Variants in APBB2 observed in about 807,000 individuals in gnomAD.
The protein encoded by APBB2 is amyloid beta precursor protein binding family B member 2, also known as Fe65-like 1.
In APBB2, 38 loss-of-function variants were observed where a neutral mutation model predicts 82.5. The observed-to-expected ratio is 0.46, with a 90% CI of 0.36 to 0.60. APBB2 has a LOEUF of 0.60. Among genes scored for constraint, APBB2 ranks in the 20% least tolerant of loss-of-function variants. The pLI, the probability that APBB2 is intolerant of heterozygous loss-of-function variation, is 0.00. For synonymous variants in APBB2, 341 were observed against 368.2 expected (o/e 0.93, Z 0.85); for missense variants, 772 against 972.3 (o/e 0.79, Z 2.74).
At chr4:41,066,922 A>G (rs1188436394) in intron 3 of APBB2, among the ~76,000 whole-genome samples, 2 of 152,186 alleles carry the variant, frequency 1.3e-5, no homozygotes, top group Non-Finnish European at 2.9e-5. Flanking sequence ...GGTTGTTACA[A>G]TCATTCAGGG....
At chr4:41,118,667 C>T (rs750213269) in intron 2 of APBB2, among the ~76,000 whole-genome samples, 1 of 152,016 alleles carries the variant, frequency 6.6e-6, no homozygotes, top group Non-Finnish European at 1.5e-5. Flanking sequence ...ATATGTGGTA[C>T]TTTTTATATG....
chr4:41,071,289 C>T (rs1289850360), intron 3 of APBB2, among the ~76,000 whole-genome samples: 1 of 152,168 alleles, frequency 6.6e-6, no homozygotes, highest in Non-Finnish European at 1.5e-5. Flanking sequence ...TAAAAGGTTG[C>T]TTATGCTCTT....
intron 1 of APBB2, among the ~76,000 whole-genome samples, chr4:41,188,415 G>T (rs947207697): frequency 5.3e-5 from 8 of 152,142 alleles, no homozygotes; most frequent in African/African-American, 1.9e-4. Flanking sequence ...GATGGTACTG[G>T]GAGGTGGGGT....
At chr4:41,059,267 C>A (rs1195777969) in intron 4 of APBB2, among the ~76,000 whole-genome samples, 1 of 152,216 alleles carries the variant, frequency 6.6e-6, no homozygotes, top group Non-Finnish European at 1.5e-5. Context: ...TTGAGACCAG[C>A]CTGGCCAACA....
intron 7 of APBB2, among the ~76,000 whole-genome samples, chr4:40,936,458 T>C (rs949059529): frequency 1.3e-5 from 2 of 152,182 alleles, no homozygotes; most frequent in Non-Finnish European, 1.5e-5. Context: ...GGTTCCATTA[T>C]GCTACCCAGG....
At chr4:40,833,489 C>T (rs758501206) in intron 12 of APBB2, among the ~76,000 whole-genome samples, 2 of 152,184 alleles carry the variant, frequency 1.3e-5, no homozygotes, top group Admixed American at 6.5e-5. Flanking sequence ...GGTCCTCTGG[C>T]CCCAGGACCC....
intron 12 of APBB2, among the ~76,000 whole-genome samples, chr4:40,878,358 C>A (rs1043800413): frequency 2.0e-5 from 3 of 151,886 alleles, no homozygotes; most frequent in African/African-American, 7.3e-5. Context: ...CCAAACCAAA[C>A]CAAAACAAAA....
intron 10 of APBB2, among the ~76,000 whole-genome samples, chr4:40,916,845 T>C (rs1453098923): frequency 6.6e-6 from 1 of 152,098 alleles, no homozygotes; most frequent in Non-Finnish European, 1.5e-5. Context: ...AGCCTTGAGA[T>C]GGTGACGGGG....
chr4:40,931,849 A>G (rs1784296996), intron 10 of APBB2, among the ~76,000 whole-genome samples: 1 of 150,158 alleles, frequency 6.7e-6, no homozygotes, highest in East Asian at 1.9e-4. Flanking sequence ...CACATCTTCT[A>G]TGGAACAAAG....
intron 6 of APBB2, among the ~76,000 whole-genome samples, chr4:40,976,981 C>T (rs895856128): frequency 6.6e-6 from 1 of 151,874 alleles, no homozygotes; most frequent in Admixed American, 6.6e-5. Flanking sequence ...CCCAGGAGGT[C>T]GAGGCTACAG....
Position 40,812,407 on chromosome 4 carries a change from G to A in APBB2, c.*3685C>T, listed in dbSNP as rs1362281091. ...AAAACAAAGCGTTCTTTCAGGGGAA[G>A]TAAGCTGCTCTGGAGGCCAGGAACT... is the stretch of plus-strand genomic sequence containing the variant. On this transcript the variant is annotated 3_prime_UTR_variant, in exon 18 of 18. Coordinates refer to ENST00000508593, the MANE Select transcript of APBB2 (RefSeq NM_004307.2). The A allele has an allele frequency of 6.6e-6, 1 of 152,236 alleles. No homozygotes were observed. Among genetic ancestry groups the A allele is most frequent in the African/African-American group, 2.4e-5 (1 of 41,458 alleles). The allele number at this position is 152,236 out of a possible 1,614,324, so 9.4% of individuals were successfully genotyped here.
chr4:41,054,843 G>A (rs193238218), intron 4 of APBB2, among the ~76,000 whole-genome samples: 5 of 151,860 alleles, frequency 3.3e-5, no homozygotes, highest in South Asian at 2.1e-4. Flanking sequence ...GCTACCATAC[G>A]GGGGAGAAGC....
intron 1 of APBB2, among the ~76,000 whole-genome samples, chr4:41,146,751 T>C (rs992902840): frequency 6.6e-6 from 1 of 152,176 alleles, no homozygotes; most frequent in Admixed American, 6.5e-5. Context: ...GGAGGACAGG[T>C]GGCAATGACA....
intron 6 of APBB2, among the ~76,000 whole-genome samples, chr4:40,968,462 T>C (rs1313889057): frequency 4.6e-5 from 7 of 152,184 alleles, no homozygotes; most frequent in African/African-American, 1.7e-4. Context: ...ACTACAGCTA[T>C]TAATTTCTCA....
chr4:40,924,507 C>T (rs1031790443), intron 10 of APBB2, among the ~76,000 whole-genome samples: 3 of 152,200 alleles, frequency 2.0e-5, no homozygotes, highest in Non-Finnish European at 4.4e-5. Flanking sequence ...AGCCTTTCCT[C>T]ACCTGGTGGC....
chr4:40,980,039 T>G lies in APBB2; in HGVS notation c.835+33544A>C, dbSNP rs75765703. ...CACTAGCTGGAATTTTCTTTTCTTTTGGAGACGGAGTCTCACTCTGTCACC... is the reference window on the plus strand; with the variant it reads ...CACTAGCTGGAATTTTCTTTTCTTTGGGAGACGGAGTCTCACTCTGTCACC... On this transcript the variant is annotated intron_variant, in intron 6 of 17. Transcript: ENST00000508593. 6.4e-4 allele frequency among the ~76,000 whole-genome samples: 97 copies of G among 152,352 alleles called. 2 individuals are homozygous for G. The East Asian group carries it at 0.018, about 28-fold the overall frequency.
At chr4:41,084,990 C>A (rs966938357) in intron 3 of APBB2, among the ~76,000 whole-genome samples, 3 of 152,126 alleles carry the variant, frequency 2.0e-5, no homozygotes, top group African/African-American at 7.2e-5. Flanking sequence ...GTGGCTCATG[C>A]CTGTAATCCC....
rs114341984 is a variant in APBB2, at chr4:40,933,218, A to G, written c.1254+1238T>C. Among the ~76,000 whole-genome samples, 432 of 152,282 alleles carry G rather than the reference A, an allele frequency of 2.8e-3. 2 individuals carry two copies. The highest frequency in any genetic ancestry group is 9.6e-3 in the African/African-American group (400 of 41,546). ...GTTACAATCCCTCAGGCATGGGGAT[A>G]CTTGTAAGTGCAAACCCTTACAAAC... is the stretch of plus-strand genomic sequence containing the variant. On this transcript the variant is annotated intron_variant, in intron 10 of 17. Coordinates refer to ENST00000508593, the MANE Select transcript of APBB2 (RefSeq NM_004307.2).
chr4:40,826,139 T>C lies in APBB2; in HGVS notation c.1733-169A>G. 1.6e-6 allele frequency: 1 copy of C among 608,460 alleles called. No homozygotes were observed. Among genetic ancestry groups the C allele is most frequent in the East Asian group, 2.8e-5 (1 of 35,230 alleles). 37.7% of individuals were successfully genotyped at this position (608,460 alleles called of 1,614,324 possible). ...TCTACAAGAGCAGCATTACTCCAGA[T>C]ATTGGGGCTCTGTTAAAATCCTGTT... On this transcript the variant is annotated intron_variant, in intron 14 of 17. Transcript: ENST00000508593. This position sits in a 1 kb window ranked among gnomAD's most constrained non-coding sequence, Gnocchi z 4.5.
Sources: gnomAD v4.1 joint callset for allele counts (sites outside exome capture counted in the v4.1 genomes callset) on GRCh38, gnomAD v4.1.1 for gene constraint, Gnocchi (gnomAD v3.1) non-coding constraint, MANE v1.5 for transcripts, NCBI Gene and HGNC (gene_info 2026-07-23, HGNC 2026-07-21) for gene names.